Variants in HLCS observed in about 807,000 individuals in gnomAD.
HLCS encodes holocarboxylase synthetase.
A neutral mutation model predicts 75.0 loss-of-function variants in HLCS; 53 were observed. The observed-to-expected ratio is 0.71, with a 90% CI of 0.57 to 0.89. The LOEUF (loss-of-function observed/expected upper bound fraction) is 0.89, where lower values mean the gene tolerates loss of function less well. HLCS is among the 40% of genes least tolerant of loss of function. The pLI is 0.00. For synonymous variants in HLCS, 431 were observed against 428.6 expected, an observed-to-expected ratio of 1.01 and a Z score of -0.07; for missense variants, 966 against 1,074.0, an observed-to-expected ratio of 0.90 and a Z score of 1.41.
chr21:36,978,264 G>C (rs1238847206), intron 1 of HLCS, among the ~76,000 whole-genome samples: 1 of 152,144 alleles, frequency 6.6e-6, no homozygotes, highest in Non-Finnish European at 1.5e-5. Flanking sequence ...GGGAGATCAA[G>C]GCGGGTGGAT....
At chr21:36,829,450 A>G (rs1351885286) in intron 6 of HLCS, among the ~76,000 whole-genome samples, 1 of 152,256 alleles carries the variant, frequency 6.6e-6, no homozygotes, top group African/African-American at 2.4e-5. Flanking sequence ...AACATAATTT[A>G]CAGTATTAAC....
chr21:36,931,646 G>A (rs1266283806), intron 4 of HLCS, among the ~76,000 whole-genome samples: 1 of 151,950 alleles, frequency 6.6e-6, no homozygotes, highest in Non-Finnish European at 1.5e-5. Context: ...CTACTTGGGA[G>A]GCTGAGCTGG....
intron 6 of HLCS, among the ~76,000 whole-genome samples, chr21:36,768,087 C>T (rs2090104255): frequency 6.6e-6 from 1 of 152,246 alleles, no homozygotes; most frequent in African/African-American, 2.4e-5. Flanking sequence ...TAGGACAGTT[C>T]CTCTCTACGT....
In HLCS at chr21:36,756,265, C is replaced by T. The variant is rs549306707; in HGVS notation, c.2450+277G>A. 4.2e-3 allele frequency among the ~76,000 whole-genome samples: 637 copies of T among 150,826 alleles called. 15 individuals are homozygous for T. Among genetic ancestry groups the T allele is most frequent in the Non-Finnish European group, 1.3e-3 (85 of 67,938 alleles). On this transcript the variant is annotated intron_variant, in intron 10 of 10. Transcript: ENST00000674895. ...CATCCTGGCTAACACGGTGAAACCC[C>T]ACCTCCACTAAAAATACAAAAAATT...
intron 6 of HLCS, among the ~76,000 whole-genome samples, chr21:36,785,331 G>A (rs987659101): frequency 2.6e-5 from 4 of 152,102 alleles, no homozygotes; most frequent in Non-Finnish European, 4.4e-5. Context: ...TCCATGACAC[G>A]CTGGGTTTAT....
intron 6 of HLCS, among the ~76,000 whole-genome samples, chr21:36,853,635 T>A (rs1471444365): frequency 6.6e-6 from 1 of 152,204 alleles, no homozygotes; most frequent in African/African-American, 2.4e-5. Flanking sequence ...ATTTGGTAAG[T>A]CACAGTAAAG....
intron 1 of HLCS, among the ~76,000 whole-genome samples, chr21:36,988,088 T>C (rs1277314165): frequency 1.3e-5 from 2 of 152,216 alleles, no homozygotes; most frequent in Non-Finnish European, 2.9e-5. Context: ...TTTTAAATAC[T>C]AAAACATTAA....
At chr21:36,860,939 G>C (rs2063362554) in intron 6 of HLCS, among the ~76,000 whole-genome samples, 1 of 152,176 alleles carries the variant, frequency 6.6e-6, no homozygotes, top group Non-Finnish European at 1.5e-5. Flanking sequence ...TTTTTACAGA[G>C]AGCTTCAATA....
chr21:36,807,604 C>T (rs1309319610), intron 6 of HLCS, among the ~76,000 whole-genome samples: 1 of 152,152 alleles, frequency 6.6e-6, no homozygotes, highest in Non-Finnish European at 1.5e-5. Context: ...CATGTGCTGC[C>T]AGAGGTTCGT....
At chr21:36,912,320 A>G (rs2065754251) in intron 5 of HLCS, among the ~76,000 whole-genome samples, 1 of 152,164 alleles carries the variant, frequency 6.6e-6, no homozygotes, top group Non-Finnish European at 1.5e-5. Context: ...CAAGGTATGA[A>G]GTTCTGATAC....
At chr21:36,986,504 C>T (rs907143548) in intron 1 of HLCS, among the ~76,000 whole-genome samples, 5 of 152,184 alleles carry the variant, frequency 3.3e-5, no homozygotes, top group African/African-American at 4.8e-5. Context: ...CCACAACCTC[C>T]GCCTCCCGGG....
chr21:36,903,165 TCA>T (rs766748626), intron 5 of HLCS, among the ~76,000 whole-genome samples: 1 of 152,190 alleles, frequency 6.6e-6, no homozygotes, highest in Non-Finnish European at 1.5e-5. Flanking sequence ...TTGGGTCCTA[TCA>T]CAGTACTAAT....
intron 1 of HLCS, among the ~76,000 whole-genome samples, chr21:36,963,296 A>G (rs2068403013): frequency 6.6e-6 from 1 of 152,238 alleles, no homozygotes; most frequent in South Asian, 2.1e-4. Flanking sequence ...CGGGGTATGC[A>G]GGAGGCTTTC....
intron 5 of HLCS, among the ~76,000 whole-genome samples, chr21:36,910,842 C>T (rs1053004149): frequency 1.3e-5 from 2 of 152,204 alleles, no homozygotes; most frequent in African/African-American, 4.8e-5. Context: ...GCACTGCACC[C>T]TGGCATGAGT....
chr21:36,764,312 G>T (rs2089957574), intron 8 of HLCS, among the ~76,000 whole-genome samples: 1 of 152,224 alleles, frequency 6.6e-6, no homozygotes, highest in Non-Finnish European at 1.5e-5. Context: ...CAGGGGAATT[G>T]CTTGAACCCT....
At chr21:36,983,790 T>G (rs2069175130) in intron 1 of HLCS, among the ~76,000 whole-genome samples, 1 of 150,020 alleles carries the variant, frequency 6.7e-6, no homozygotes, top group Non-Finnish European at 1.5e-5. Flanking sequence ...TGAGACGAGA[T>G]GGTGTCACTG....
chr21:36,938,681 G>GT, intron 3 of HLCS, 151 bp downstream of exon 3: 7 of 746,256 alleles, frequency 9.4e-6, no homozygotes, highest in Non-Finnish European at 1.6e-5. Flanking sequence ...TTGTTTGTTT[G>GT]TTTTTTTGGA....
intron 1 of HLCS, among the ~76,000 whole-genome samples, chr21:36,976,042 T>G (rs924458585): frequency 3.3e-5 from 5 of 152,222 alleles, no homozygotes; most frequent in African/African-American, 1.2e-4. Context: ...TTGTGTCCTT[T>G]TGGCCCCAAA....
At chr21:36,931,482 G>A (rs1158200465) in intron 4 of HLCS, among the ~76,000 whole-genome samples, 4 of 152,190 alleles carry the variant, frequency 2.6e-5, no homozygotes, top group Admixed American at 6.5e-5. Flanking sequence ...GGGTATAAAG[G>A]CTCACACCTG....
Sources: allele counts gnomAD v4.1 joint callset (sites outside exome capture counted in the v4.1 genomes callset), GRCh38; gene constraint gnomAD v4.1.1; transcripts MANE v1.5; gene names NCBI Gene and HGNC (gene_info 2026-07-23, HGNC 2026-07-21).